SCMH1: variants seen among roughly 807,000 people sequenced by gnomAD.
SCMH1 encodes the protein polycomb protein SCMH1.
In SCMH1, 37 loss-of-function variants were observed where a neutral mutation model predicts 70.8. The ratio of observed to expected loss-of-function variants is 0.52; its 90% CI spans 0.40 to 0.69. The LOEUF is 0.69. SCMH1 is among the 30% of genes least tolerant of loss of function. The pLI is 0.00. For missense variants in SCMH1, 607 were observed against 827.3 expected (o/e 0.73, Z 3.27); for synonymous variants, 292 against 307.4 (o/e 0.95, Z 0.52).
At chr1:41,038,800 G>A (rs1645681797) in intron 12 of SCMH1, among the ~76,000 whole-genome samples, 1 of 152,154 alleles carries the variant, frequency 6.6e-6, no homozygotes, top group Non-Finnish European at 1.5e-5. Flanking sequence ...ATGACTAACA[G>A]GGTCCCATTT....
chr1:41,130,893 TTGA>T (rs1399432486), intron 6 of SCMH1, among the ~76,000 whole-genome samples: 1 of 152,226 alleles, frequency 6.6e-6, no homozygotes, highest in African/African-American at 2.4e-5. Context: ...TTTTCACTTC[TTGA>T]TGATGAAGCT....
At position 41,124,797 on chromosome 1, in the gene SCMH1, T is replaced by C. The variant is rs565933495; in HGVS notation, c.413-7787A>G. Among the ~76,000 whole-genome samples the C allele has an allele frequency of 1.6e-4, 24 of 152,188 alleles. No individual in the cohort carries two copies. In the South Asian group the frequency reaches 3.3e-3, roughly 21 times the overall value. On this transcript the variant is annotated intron_variant, in intron 6 of 14. Transcript: ENST00000337495. ...TTTTGTAGTGATGGGGGACTTGCTA[T>C]ATTGCCCAGGCTGGTCTTGAATTTC... is the stretch of plus-strand genomic sequence containing the variant.
At chr1:41,159,290 A>G (rs1329333052) in intron 4 of SCMH1, among the ~76,000 whole-genome samples, 1 of 152,172 alleles carries the variant, frequency 6.6e-6, no homozygotes, top group African/African-American at 2.4e-5. Context: ...TAACTGATAT[A>G]CTCTATGTTA....
chr1:41,227,284 G>A lies in SCMH1; in HGVS notation c.-118+14775C>T, dbSNP rs185237274. On this transcript the variant is annotated intron_variant, in intron 1 of 14. Transcript: ENST00000337495. ...AGCACATGCTGTTTGCTCTGCCTGGGAGTGTCTTCCTCTGACTTTTGGTTT... is the reference window on the plus strand; with the variant it reads ...AGCACATGCTGTTTGCTCTGCCTGGAAGTGTCTTCCTCTGACTTTTGGTTT... Among the ~76,000 whole-genome samples, 366 of 152,270 alleles carry A rather than the reference G, an allele frequency of 2.4e-3. 2 individuals carry two copies. The highest frequency in any genetic ancestry group is 8.2e-3 in the African/African-American group (339 of 41,550).
At chr1:41,142,751 T>C in intron 6 of SCMH1, 127 bp downstream of exon 6, 2 of 755,920 alleles carry the variant, frequency 2.6e-6, no homozygotes, top group South Asian at 3.7e-5. Flanking sequence ...GGGTGGGCCT[T>C]TTTAGGAGAC....
chr1:41,157,866 G>GT (rs1645683759), intron 4 of SCMH1, among the ~76,000 whole-genome samples: 1 of 152,186 alleles, frequency 6.6e-6, no homozygotes, highest in South Asian at 2.1e-4. Context: ...AATTATTTAT[G>GT]TAAGCTCTTT....
rs957907438 is a variant in SCMH1, at chr1:41,104,692, G to C, written c.745+8591C>G. Among the ~76,000 whole-genome samples the C allele has an allele frequency of 3.3e-5, 5 of 152,330 alleles. 1 individual carries two copies. The highest frequency in any genetic ancestry group is 6.8e-3 in the Middle Eastern group (2 of 294). Reference sequence around the variant, plus strand: ...TTTCTGACAGTGAACTACTGAACTAGTGGCTAGTGAACACACCTTCTCAGG... The same window carrying C: ...TTTCTGACAGTGAACTACTGAACTACTGGCTAGTGAACACACCTTCTCAGG... On this transcript the variant is annotated intron_variant, in intron 8 of 14. Transcript: ENST00000337495.
intron 13 of SCMH1, among the ~76,000 whole-genome samples, chr1:41,034,905 T>C: frequency 6.6e-6 from 1 of 152,172 alleles, no homozygotes; most frequent in South Asian, 2.1e-4. Context: ...CTTAGCTCAC[T>C]ACCCACTGTT....
intron 8 of SCMH1, among the ~76,000 whole-genome samples, chr1:41,112,661 A>T (rs1402736561): frequency 6.6e-6 from 1 of 152,206 alleles, no homozygotes; most frequent in Non-Finnish European, 1.5e-5. Context: ...AGTACTTGCT[A>T]GTCATCAACT....
intron 10 of SCMH1, among the ~76,000 whole-genome samples, chr1:41,050,546 G>A (rs763742394): frequency 1.3e-5 from 2 of 152,094 alleles, no homozygotes; most frequent in Non-Finnish European, 2.9e-5. Context: ...AAAGTAGGGA[G>A]GTGATATGTG....
At chr1:41,216,522 CAGA>C (rs1658120161) in intron 1 of SCMH1, among the ~76,000 whole-genome samples, 3 of 152,154 alleles carry the variant, frequency 2.0e-5, no homozygotes, top group Admixed American at 6.6e-5. Flanking sequence ...GGCATTCTGG[CAGA>C]AGAAGTCTGT....
At chr1:41,046,518 G>C in exon 12 of SCMH1, 6 of 1,614,190 alleles carry the variant, frequency 3.7e-6, no homozygotes, top group Non-Finnish European at 5.1e-6. Flanking sequence ...TTGTGGCAGA[G>C]TTTCTCCAGG....
intron 1 of SCMH1, among the ~76,000 whole-genome samples, chr1:41,203,723 G>C (rs561477098): frequency 6.6e-5 from 10 of 152,342 alleles, no homozygotes; most frequent in African/African-American, 2.2e-4. Flanking sequence ...TAGCATGAGC[G>C]ATCTGTGCCT....
intron 10 of SCMH1, among the ~76,000 whole-genome samples, chr1:41,065,397 AAGATT>A (rs1654249088): frequency 6.6e-6 from 1 of 151,972 alleles, no homozygotes; most frequent in Non-Finnish European, 1.5e-5. Flanking sequence ...TAAGCCCAGG[AAGATT>A]GAGGCTGCAG....
rs1461065367 is a variant in SCMH1, at chr1:41,186,106, T to C, written c.13+15A>G. The stretch of plus-strand genomic sequence containing the variant: ...AATCCCTCTTACCTCCACGATAGGG[T>C]AAAAAGATACTTACCATTAGGCTGC... On this transcript the variant is annotated intron_variant, in intron 2 of 14. Transcript: ENST00000337495. 1 of 1,546,914 alleles carries C rather than the reference T, an allele frequency of 6.5e-7. No individual in the cohort carries two copies. The highest frequency in any genetic ancestry group is 8.7e-7 in the Non-Finnish European group (1 of 1,144,168).
intron 4 of SCMH1, among the ~76,000 whole-genome samples, chr1:41,153,142 T>C (rs1387836178): frequency 6.6e-6 from 1 of 152,248 alleles, no homozygotes; most frequent in African/African-American, 2.4e-5. Flanking sequence ...AATGAAAGAT[T>C]AAATCAAATA....
chr1:41,206,494 G>GA (rs1655574672), intron 1 of SCMH1, among the ~76,000 whole-genome samples: 1 of 152,086 alleles, frequency 6.6e-6, no homozygotes, highest in Admixed American at 6.6e-5. Flanking sequence ...CAAGATTAGA[G>GA]AAAAAAGAGT....
At chr1:41,176,392 G>A (rs180722327) in intron 2 of SCMH1, among the ~76,000 whole-genome samples, 23 of 152,216 alleles carry the variant, frequency 1.5e-4, no homozygotes, top group Middle Eastern at 3.4e-3. Flanking sequence ...GGGGAGTGTC[G>A]GACAGTGGGT....
At chr1:41,056,140 G>A (rs190170287) in intron 10 of SCMH1, among the ~76,000 whole-genome samples, 30 of 152,272 alleles carry the variant, frequency 2.0e-4, no homozygotes, top group Admixed American at 3.3e-4. Context: ...TGAGGCTCAG[G>A]CCTTAAGAAA....
Sources: allele counts gnomAD v4.1 joint callset (sites outside exome capture counted in the v4.1 genomes callset), GRCh38; gene constraint gnomAD v4.1.1; transcripts MANE v1.5; gene names NCBI Gene and HGNC (gene_info 2026-07-23, HGNC 2026-07-21).